The following ZMYM2 variants were observed in gnomAD, a reference collection of about 807,000 sequenced individuals.
ZMYM2 encodes the protein zinc finger MYM-type containing 2.
In ZMYM2, 56 loss-of-function variants were observed where a neutral mutation model predicts 162.8. The observed-to-expected ratio is 0.34, with a 90% CI of 0.28 to 0.43. The LOEUF (loss-of-function observed/expected upper bound fraction) is 0.43. Among genes scored for constraint, ZMYM2 ranks in the 20% least tolerant of loss-of-function variants. The pLI, the probability that ZMYM2 is intolerant of heterozygous loss-of-function variation, is 1.00. For missense variants in ZMYM2, 1,275 were observed against 1,621.8 expected, an observed-to-expected ratio of 0.79 and a Z score of 3.67; for synonymous variants, 510 against 541.6, an observed-to-expected ratio of 0.94 and a Z score of 0.81.
the ZMYM2 span, among the ~76,000 whole-genome samples, chr13:19,919,029 C>T: frequency 6.6e-6 from 1 of 152,252 alleles, no homozygotes; most frequent in South Asian, 2.1e-4. Flanking sequence ...CTCTCTACCG[C>T]CTTTCCCTAA....
intron 3 of ZMYM2, among the ~76,000 whole-genome samples, chr13:20,001,817 G>A (rs1444710062): frequency 2.0e-5 from 3 of 152,218 alleles, no homozygotes; most frequent in Non-Finnish European, 4.4e-5. Flanking sequence ...ATTACAGCTT[G>A]ATGAAAGCTC....
intron 6 of ZMYM2, among the ~76,000 whole-genome samples, chr13:20,008,963 C>G (rs1488479611): frequency 6.6e-6 from 1 of 152,002 alleles, no homozygotes; most frequent in Admixed American, 6.6e-5. Context: ...TAACATTGTT[C>G]AGAATGTTGC....
At chr13:20,013,633 A>G (rs973091258) in intron 6 of ZMYM2, among the ~76,000 whole-genome samples, 4 of 152,134 alleles carry the variant, frequency 2.6e-5, no homozygotes, top group Non-Finnish European at 4.4e-5. Flanking sequence ...CAGTTTTTTT[A>G]ATCATAAAAA....
At chr13:19,959,037 C>CG in intron 1 of ZMYM2, among the ~76,000 whole-genome samples, 196 bp downstream of exon 1, 2 of 151,872 alleles carry the variant, frequency 1.3e-5, no homozygotes, top group East Asian at 3.9e-4. Flanking sequence ...GCTGCCGCGT[C>CG]GGGGCCTCGG....
intron 2 of ZMYM2, chr13:19,965,363 T>C: frequency 2.8e-6 from 2 of 711,338 alleles, no homozygotes; most frequent in Admixed American, 3.1e-5. Flanking sequence ...AACAGTTTTA[T>C]AATCATTCAT....
chr13:19,935,731 C>T, the ZMYM2 span, among the ~76,000 whole-genome samples: 49 of 152,166 alleles, frequency 3.2e-4, 1 homozygote, highest in African/African-American at 1.1e-3. Context: ...TTGCAACCTC[C>T]GCCTCCTAGG....
chr13:19,902,559 T>G, the ZMYM2 span, among the ~76,000 whole-genome samples: 1 of 152,080 alleles, frequency 6.6e-6, no homozygotes, highest in Non-Finnish European at 1.5e-5. Context: ...GAGCTTGCAG[T>G]GAGCCGAGAT....
In ZMYM2 at chr13:20,082,994, G is replaced by A. The variant is rs760819440; in HGVS notation, c.3782G>A (p.Arg1261Gln). The A allele has an allele frequency of 2.2e-5, 36 of 1,613,538 alleles. No homozygotes were observed. The highest frequency in any genetic ancestry group is 2.8e-5 in the Non-Finnish European group (33 of 1,179,708). Reference protein sequence around the residue: ...PLTMENKACLRYQVSSLCGTD... With the variant: ...PLTMENKACLQYQVSSLCGTD... ...ACGATGGAAAACAAAGCGTGTCTTC[G>A]ATACCAAGTGTCTTCCTTGTGTGGA... is the stretch of plus-strand genomic sequence containing the variant. The change falls in exon 23 of 25, where the codon CGA (arginine) becomes CAA (glutamine). Residue 1261 changes from arginine to glutamine, a missense_variant. Physicochemically the swap from Arg to Gln is conservative, Grantham distance 43. Coordinates refer to ENST00000610343, the MANE Select transcript of ZMYM2 (RefSeq NM_197968.4).
At chr13:19,875,520 C>A in the ZMYM2 span, among the ~76,000 whole-genome samples, 1 of 142,934 alleles carries the variant, frequency 7.0e-6, no homozygotes, top group African/African-American at 2.6e-5. Flanking sequence ...GCCAGCTATT[C>A]GGGAAGCTGA....
upstream of ZMYM2, among the ~76,000 whole-genome samples, chr13:19,958,148 G>GGATTCCAGTTCACCCGCGGTCCC (rs549143442): frequency 3.4e-3 from 517 of 152,344 alleles, 3 homozygotes; most frequent in Middle Eastern, 6.8e-3. Context: ...AGCGCGGTCG[G>GGATTCCAGTTCACCCGCGGTCCC]GATTCCAGTT....
intron 12 of ZMYM2, among the ~76,000 whole-genome samples, chr13:20,042,257 T>C (rs1954324779): frequency 6.6e-6 from 1 of 152,208 alleles, no homozygotes; most frequent in African/African-American, 2.4e-5. Context: ...TGCTCGTTCC[T>C]TTTTATTCTT....
At chr13:20,051,813 A>G (rs1262970285) in intron 13 of ZMYM2, among the ~76,000 whole-genome samples, 3 of 152,150 alleles carry the variant, frequency 2.0e-5, no homozygotes, top group Non-Finnish European at 4.4e-5. Flanking sequence ...ATGCTAATTG[A>G]GAAAAGGCAT....
Position 20,026,678 on chromosome 13 carries a change from T to C in ZMYM2, c.1651T>C (p.Cys551Arg). 2 of 1,611,074 alleles carry C rather than the reference T, an allele frequency of 1.2e-6. No homozygotes were observed. The highest frequency in any genetic ancestry group is 1.7e-6 in the Non-Finnish European group (2 of 1,179,234). ...GTGCAGGTTTTTTGATATGACTCAGTGTATAGGTCCTAATGGATATATGGA... is the reference window on the plus strand; with the variant it reads ...GTGCAGGTTTTTTGATATGACTCAGCGTATAGGTCCTAATGGATATATGGA... ...TQCRFFDMTQ[C>R]IGPNGYMEPY... Residue 551 changes from cysteine (C) to arginine (R), a missense_variant, in exon 8 of 25, where the codon TGT (cysteine) becomes CGT (arginine). Physicochemically the swap from Cys to Arg is radical, Grantham distance 180. Transcript: ENST00000610343.
chr13:20,074,196 T>G (rs200829527), intron 21 of ZMYM2, among the ~76,000 whole-genome samples: 56 of 141,606 alleles, frequency 4.0e-4, no homozygotes, highest in Admixed American at 1.4e-3. Context: ...ATGTCAGAAT[T>G]TGTGTGTGTG....
At chr13:19,920,992 A>T in the ZMYM2 span, among the ~76,000 whole-genome samples, 25 of 151,076 alleles carry the variant, frequency 1.7e-4, no homozygotes, top group Admixed American at 3.3e-4. Flanking sequence ...GATGGTCTCC[A>T]TCCCTTGACC....
chr13:19,872,531 C>T, the ZMYM2 span, among the ~76,000 whole-genome samples: 1 of 151,930 alleles, frequency 6.6e-6, no homozygotes, highest in Non-Finnish European at 1.5e-5. Context: ...GGCTGGGCAA[C>T]AGAGTGAGAC....
chr13:19,914,457 A>G, the ZMYM2 span, among the ~76,000 whole-genome samples: 4 of 152,202 alleles, frequency 2.6e-5, no homozygotes, highest in Admixed American at 2.0e-4. Flanking sequence ...TAAGGCCACC[A>G]CTGAGTGCCC....
the ZMYM2 span, among the ~76,000 whole-genome samples, chr13:19,932,376 G>A: frequency 6.6e-6 from 1 of 152,082 alleles, no homozygotes; most frequent in Non-Finnish European, 1.5e-5. Context: ...GGCCGGGCAT[G>A]GTGGCTCATG....
At chr13:20,031,623 G>A (rs1216784898) in intron 10 of ZMYM2, among the ~76,000 whole-genome samples, 188 bp downstream of exon 10, 1 of 151,912 alleles carries the variant, frequency 6.6e-6, no homozygotes, top group Non-Finnish European at 1.5e-5. Flanking sequence ...TGTCTTTTTA[G>A]GTCCAAGAAA....
Sources: allele counts gnomAD v4.1 joint callset (sites outside exome capture counted in the v4.1 genomes callset), GRCh38; gene constraint gnomAD v4.1.1; transcripts MANE v1.5; gene names NCBI Gene and HGNC (gene_info 2026-07-23, HGNC 2026-07-21).